PLD5: variants seen among roughly 807,000 people sequenced by gnomAD.
PLD5 encodes the protein inactive phospholipase D5.
A neutral mutation model predicts 61.1 loss-of-function variants in PLD5; 36 were observed. The ratio of observed to expected loss-of-function variants is 0.59; its 90% CI spans 0.45 to 0.78. PLD5 has a LOEUF of 0.78. Ranked by LOEUF, PLD5 falls within the 30% of genes least tolerant of loss-of-function variation. PLD5 has a pLI of 0.00. For synonymous variants in PLD5, 243 were observed against 242.8 expected, an observed-to-expected ratio of 1.00 and a Z score of -0.01; for missense variants, 515 against 644.4, an observed-to-expected ratio of 0.80 and a Z score of 2.17.
At chr1:242,195,045 A>C (rs1668550502) in intron 5 of PLD5, among the ~76,000 whole-genome samples, 1 of 152,222 alleles carries the variant, frequency 6.6e-6, no homozygotes, top group Admixed American at 6.5e-5. Flanking sequence ...TAAAAATAAA[A>C]AACAGAGATA....
intron 2 of PLD5, among the ~76,000 whole-genome samples, chr1:242,303,627 C>T (rs370924602): frequency 9.3e-4 from 142 of 152,284 alleles, no homozygotes; most frequent in Middle Eastern, 3.4e-3. Context: ...GACTCAAGCA[C>T]ATTTTTGGAT....
intron 1 of PLD5, among the ~76,000 whole-genome samples, chr1:242,509,441 T>G (rs1668833758): frequency 6.6e-6 from 1 of 152,212 alleles, no homozygotes; most frequent in African/African-American, 2.4e-5. Flanking sequence ...CCTTGTACAC[T>G]GCTCATTATT....
chr1:242,216,058 G>A lies in PLD5; in HGVS notation c.735+3930C>T, dbSNP rs535805890. ...AACATACCCCCAGCGGGGTTCCTTA[G>A]TAACAGCACACATCAAACTGAAGTG... On this transcript the variant is annotated intron_variant, in intron 5 of 9. Transcript: ENST00000536534. Among the ~76,000 whole-genome samples the A allele has an allele frequency of 3.3e-5, 5 of 152,292 alleles. No individual in the cohort carries two copies. In the South Asian group the frequency reaches 1.0e-3, roughly 32 times the overall value.
chr1:242,092,218 T>C (rs1287585767), intron 9 of PLD5, among the ~76,000 whole-genome samples: 1 of 152,072 alleles, frequency 6.6e-6, no homozygotes, highest in East Asian at 1.9e-4. Flanking sequence ...CCTTGAACTC[T>C]TGAGCTCAAG....
intron 5 of PLD5, among the ~76,000 whole-genome samples, chr1:242,185,237 C>T (rs1205955494): frequency 2.0e-5 from 3 of 152,150 alleles, no homozygotes; most frequent in Non-Finnish European, 4.4e-5. Flanking sequence ...ATGAATAATG[C>T]TTTGTTTGCC....
At chr1:242,209,268 G>A (rs752204577) in intron 5 of PLD5, 4 of 152,138 alleles carry the variant, frequency 2.6e-5, no homozygotes, top group Non-Finnish European at 5.9e-5. Context: ...GAAAGCCTGC[G>A]GTGGTGTTCT....
chr1:242,467,877 C>G (rs1450060097), intron 1 of PLD5, among the ~76,000 whole-genome samples: 1 of 152,160 alleles, frequency 6.6e-6, no homozygotes, highest in Non-Finnish European at 1.5e-5. Context: ...TGAGTGAGTT[C>G]AGAGCTCTGA....
chr1:242,182,863 TAAATAA>T (rs1443887259), intron 5 of PLD5, among the ~76,000 whole-genome samples: 5 of 151,532 alleles, frequency 3.3e-5, no homozygotes, highest in African/African-American at 1.2e-4. Context: ...AACGAATAAA[TAAATAA>T]AAATAAAAAA....
At chr1:242,167,722 C>T (rs777227889) in intron 5 of PLD5, among the ~76,000 whole-genome samples, 9 of 152,172 alleles carry the variant, frequency 5.9e-5, no homozygotes, top group Non-Finnish European at 1.2e-4. Flanking sequence ...CAGAGAGGTA[C>T]AGAAACTTAT....
chr1:242,387,112 C>A (rs185280596), intron 1 of PLD5, among the ~76,000 whole-genome samples: 1 of 151,954 alleles, frequency 6.6e-6, no homozygotes, highest in Admixed American at 6.6e-5. Context: ...ATAAAAAGTT[C>A]GAAGAAAAAG....
intron 1 of PLD5, among the ~76,000 whole-genome samples, chr1:242,350,434 TACACACACACACACACAC>T (rs57955584): frequency 8.9e-5 from 13 of 145,306 alleles, no homozygotes; most frequent in East Asian, 2.0e-4. Context: ...TATACACACG[TACACACACACACACACAC>T]ACACACACAC....
chr1:242,150,730 C>T (rs1436323895), intron 5 of PLD5, among the ~76,000 whole-genome samples: 3 of 151,652 alleles, frequency 2.0e-5, no homozygotes, highest in African/African-American at 4.8e-5. Context: ...CATAGTTGGG[C>T]CTCGCTTTTT....
intron 1 of PLD5, among the ~76,000 whole-genome samples, chr1:242,418,314 C>T (rs528476092): frequency 2.6e-4 from 40 of 152,194 alleles, no homozygotes; most frequent in African/African-American, 9.4e-4. Context: ...GAGTTTTGAT[C>T]TGGTTGTGTT....
At chr1:242,291,576 G>A (rs1323609967) in intron 2 of PLD5, among the ~76,000 whole-genome samples, 1 of 152,108 alleles carries the variant, frequency 6.6e-6, no homozygotes, top group Non-Finnish European at 1.5e-5. Context: ...GGAGGCCGAG[G>A]CGGGCGGATC....
chr1:242,388,303 G>C (rs954991174), intron 1 of PLD5, among the ~76,000 whole-genome samples: 1 of 152,294 alleles, frequency 6.6e-6, no homozygotes, highest in African/African-American at 2.4e-5. Flanking sequence ...GCCGTGATGA[G>C]CACCTATGTG....
At chr1:242,284,325 C>T (rs1275856674) in intron 3 of PLD5, among the ~76,000 whole-genome samples, 12 of 151,684 alleles carry the variant, frequency 7.9e-5, no homozygotes, top group Admixed American at 4.6e-4. Context: ...TTAGTACAGA[C>T]GGGGTTTCAC....
At chr1:242,244,554 G>A (rs1672251009) in intron 4 of PLD5, among the ~76,000 whole-genome samples, 1 of 152,224 alleles carries the variant, frequency 6.6e-6, no homozygotes, top group Non-Finnish European at 1.5e-5. Flanking sequence ...TACGTCTCCT[G>A]CAGAGGCATG....
chr1:242,462,161 G>A (rs1667139057), intron 1 of PLD5, among the ~76,000 whole-genome samples: 1 of 152,148 alleles, frequency 6.6e-6, no homozygotes, highest in Admixed American at 6.5e-5. Flanking sequence ...TAATGCATGT[G>A]TTGACCAAAA....
chr1:242,194,987 A>G (rs1668546993), intron 5 of PLD5, among the ~76,000 whole-genome samples: 1 of 152,144 alleles, frequency 6.6e-6, no homozygotes, highest in Non-Finnish European at 1.5e-5. Context: ...GAATTTACTC[A>G]TGTAACCAAA....
Sources: allele counts gnomAD v4.1 joint callset (sites outside exome capture counted in the v4.1 genomes callset), GRCh38; gene constraint gnomAD v4.1.1; transcripts MANE v1.5; gene names NCBI Gene and HGNC (gene_info 2026-07-23, HGNC 2026-07-21).